The following ARFIP1 variants were observed in gnomAD, a reference collection of about 807,000 sequenced individuals.
ARFIP1 encodes the protein ARF interacting protein 1, also known as arfaptin-1.
Under a neutral mutation model 42.5 loss-of-function variants are expected in ARFIP1, and 24 were observed. The observed-to-expected ratio is 0.57, with a 90% CI of 0.41 to 0.80. The LOEUF is 0.80. Ranked by LOEUF, ARFIP1 falls within the 30% of genes least tolerant of loss-of-function variation. The pLI, the probability that ARFIP1 is intolerant of heterozygous loss-of-function variation, is 0.00. For synonymous variants in ARFIP1, 141 were observed against 153.7 expected, an observed-to-expected ratio of 0.92 and a Z score of 0.61; for missense variants, 354 against 434.0, an observed-to-expected ratio of 0.82 and a Z score of 1.64.
intron 1 of ARFIP1, among the ~76,000 whole-genome samples, chr4:152,786,977 A>G (rs1169327853): frequency 2.0e-5 from 3 of 152,196 alleles, no homozygotes; most frequent in African/African-American, 4.8e-5. Context: ...CACTTCCCAC[A>G]TTAAGGTAAT....
chr4:152,875,380 A>T (rs867313046), intron 5 of ARFIP1, among the ~76,000 whole-genome samples: 18,144 of 117,546 alleles, frequency 0.15, 1,167 homozygotes, highest in African/African-American at 0.26. Context: ...TTTTTTTATA[A>T]AAAAAAAAAA....
intron 1 of ARFIP1, among the ~76,000 whole-genome samples, chr4:152,824,978 TACAC>T (rs143500895): frequency 9.4e-5 from 14 of 149,680 alleles, no homozygotes; most frequent in Non-Finnish European, 1.9e-4. Flanking sequence ...CACACATACA[TACAC>T]ACACACACAC....
intron 1 of ARFIP1, among the ~76,000 whole-genome samples, chr4:152,815,071 T>C (rs957326800): frequency 2.0e-5 from 3 of 152,344 alleles, no homozygotes; most frequent in Admixed American, 1.3e-4. Context: ...ATGTTTCTCC[T>C]TCTACCTTAC....
chr4:152,796,255 T>A, intron 1 of ARFIP1: 1 of 1,030,758 alleles, frequency 9.7e-7, no homozygotes, highest in South Asian at 1.4e-5. Flanking sequence ...TTACACCAAG[T>A]ATTGGTAGGC....
chr4:152,825,621 TGGCCTA>T (rs1199792642), intron 1 of ARFIP1, among the ~76,000 whole-genome samples: 2 of 152,166 alleles, frequency 1.3e-5, no homozygotes, highest in African/African-American at 4.8e-5. Context: ...TTCTGGACAT[TGGCCTA>T]GGCAAAGAAT....
intron 2 of ARFIP1, among the ~76,000 whole-genome samples, chr4:152,831,170 T>A (rs1323355711): frequency 1.3e-5 from 2 of 152,234 alleles, no homozygotes; most frequent in Non-Finnish European, 2.9e-5. Context: ...CTAATTTTAA[T>A]ACTAATTATG....
At chr4:152,829,530 A>C in intron 1 of ARFIP1, 95 bp from the exon 2 acceptor site, 1 of 713,854 alleles carries the variant, frequency 1.4e-6, no homozygotes, top group Non-Finnish European at 2.2e-6. Context: ...AATGATAAAA[A>C]ATATTAAAAC....
At position 152,793,299 on chromosome 4, in the gene ARFIP1, C is replaced by T. The variant is rs1325657124; in HGVS notation, c.-10+13073C>T. Among the ~76,000 whole-genome samples the T allele has an allele frequency of 4.2e-5, 5 of 117,682 alleles. No homozygotes were observed. The East Asian group carries it at 9.8e-4, about 23-fold the overall frequency. 77.2% of individuals were successfully genotyped at this position (117,682 alleles called of 152,430 possible). On this transcript the variant is annotated intron_variant, in intron 1 of 8. Coordinates refer to ENST00000353617, the MANE Select transcript of ARFIP1 (RefSeq NM_001025595.3). Reference sequence around the variant, plus strand: ...CGTACTCCAGCCTGGGCAACAAGAGCGAAACTCCGTCTCAAAAAAAAAAAA... The same window carrying T: ...CGTACTCCAGCCTGGGCAACAAGAGTGAAACTCCGTCTCAAAAAAAAAAAA...
chr4:152,823,163 AAAG>A (rs1214599339), intron 1 of ARFIP1, among the ~76,000 whole-genome samples: 1 of 152,224 alleles, frequency 6.6e-6, no homozygotes, highest in Admixed American at 6.5e-5. Context: ...TGAACCAAGA[AAAG>A]AACACAGAAG....
chr4:152,863,946 G>T (rs1278627690), intron 3 of ARFIP1, among the ~76,000 whole-genome samples: 2 of 152,034 alleles, frequency 1.3e-5, no homozygotes, highest in Admixed American at 6.5e-5. Flanking sequence ...TTAAGAATAG[G>T]TTATAAAATA....
chr4:152,781,314 C>T (rs1321632333), intron 1 of ARFIP1, among the ~76,000 whole-genome samples: 1 of 150,656 alleles, frequency 6.6e-6, no homozygotes, highest in Non-Finnish European at 1.5e-5. Flanking sequence ...CGGCTCACCG[C>T]AACGTCCACC....
intron 2 of ARFIP1, among the ~76,000 whole-genome samples, chr4:152,832,543 C>T (rs1731334354): frequency 6.6e-6 from 1 of 152,052 alleles, no homozygotes; most frequent in Non-Finnish European, 1.5e-5. Context: ...TTTTTGTACT[C>T]TATTAATGGC....
At chr4:152,841,021 GTTCTGTATC>G (rs112436222) in intron 2 of ARFIP1, among the ~76,000 whole-genome samples, 99 of 151,556 alleles carry the variant, frequency 6.5e-4, no homozygotes, top group African/African-American at 2.3e-3. Flanking sequence ...CACCCAGTCA[GTTCTGTATC>G]TTCTGTATCT....
intron 8 of ARFIP1, among the ~76,000 whole-genome samples, chr4:152,897,374 G>T (rs945491037): frequency 1.3e-5 from 2 of 151,870 alleles, no homozygotes; most frequent in East Asian, 3.9e-4. Flanking sequence ...TGTAAGGGAG[G>T]GATATTTTGT....
At chr4:152,802,256 T>C (rs950394908) in intron 1 of ARFIP1, among the ~76,000 whole-genome samples, 1 of 152,208 alleles carries the variant, frequency 6.6e-6, no homozygotes, top group Non-Finnish European at 1.5e-5. Flanking sequence ...ATTAGTCCAC[T>C]AAGCACTGCA....
At chr4:152,844,631 T>G (rs1223204903) in intron 2 of ARFIP1, among the ~76,000 whole-genome samples, 1 of 152,104 alleles carries the variant, frequency 6.6e-6, no homozygotes, top group African/African-American at 2.4e-5. Flanking sequence ...AATAACCTAT[T>G]TCACCTCCTT....
At chr4:152,884,808 A>G (rs1736134375) in intron 7 of ARFIP1, among the ~76,000 whole-genome samples, 1 of 152,058 alleles carries the variant, frequency 6.6e-6, no homozygotes, top group Admixed American at 6.6e-5. Flanking sequence ...CTTATACCTG[A>G]GTATTAGTGC....
At chr4:152,837,595 C>A (rs200560060) in intron 2 of ARFIP1, among the ~76,000 whole-genome samples, 1 of 152,114 alleles carries the variant, frequency 6.6e-6, no homozygotes, top group Non-Finnish European at 1.5e-5. Context: ...ATTGTCTATT[C>A]ATATCTTTAA....
chr4:152,891,303 C>A (rs886729947), intron 8 of ARFIP1, among the ~76,000 whole-genome samples: 1 of 152,210 alleles, frequency 6.6e-6, no homozygotes, highest in African/African-American at 2.4e-5. Context: ...TGAATTTGAA[C>A]TGAGTAATCA....
Sources: allele counts gnomAD v4.1 joint callset (sites outside exome capture counted in the v4.1 genomes callset), GRCh38; gene constraint gnomAD v4.1.1; transcripts MANE v1.5; gene names NCBI Gene and HGNC (gene_info 2026-07-23, HGNC 2026-07-21).